The following ZC3H3 variants were observed in gnomAD, a reference collection of about 807,000 sequenced individuals.
The protein encoded by ZC3H3 is zinc finger CCCH domain-containing protein 3.
A neutral mutation model predicts 77.3 loss-of-function variants in ZC3H3; 36 were observed. That is an observed-to-expected ratio of 0.47 (90% CI 0.36 to 0.61). ZC3H3 has a LOEUF of 0.61. Ranked by LOEUF, ZC3H3 falls within the 20% of genes least tolerant of loss-of-function variation. ZC3H3 has a pLI of 0.00. For synonymous variants in ZC3H3, 626 were observed against 555.2 expected, an observed-to-expected ratio of 1.13 and a Z score of -1.79; for missense variants, 1,331 against 1,312.2, an observed-to-expected ratio of 1.01 and a Z score of -0.22.
At chr8:143,537,682 C>T (rs1434662594) in intron 2 of ZC3H3, among the ~76,000 whole-genome samples, 1 of 152,234 alleles carries the variant, frequency 6.6e-6, no homozygotes, top group East Asian at 1.9e-4. Context: ...CCTGGCCTGG[C>T]ACAAAGCCTT....
intron 4 of ZC3H3, among the ~76,000 whole-genome samples, chr8:143,477,833 A>AC (rs71316895): frequency 8.9e-4 from 135 of 151,800 alleles, no homozygotes; most frequent in South Asian, 1.0e-3. Flanking sequence ...GCCAGGGTGC[A>AC]CCCCCCCACC....
chr8:143,506,723 G>T (rs974998575), intron 4 of ZC3H3, among the ~76,000 whole-genome samples: 1 of 152,198 alleles, frequency 6.6e-6, no homozygotes, highest in Non-Finnish European at 1.5e-5. Context: ...CTGGTGATAC[G>T]GGAGGCAGCA....
chr8:143,460,729 C>T lies in ZC3H3; in HGVS notation c.2307+4988G>A, dbSNP rs977144465. On this transcript the variant is annotated intron_variant, in intron 9 of 11. Coordinates refer to ENST00000262577, the MANE Select transcript of ZC3H3 (RefSeq NM_015117.3). This position sits in a 1 kb window ranked among gnomAD's most constrained non-coding sequence, Gnocchi z 4.0. Reference sequence around the variant, plus strand: ...TCTACCATAAGAAAGGAATGAGGTGCTGCTACACGTGTGAACCCTGGAAAC... The same window carrying T: ...TCTACCATAAGAAAGGAATGAGGTGTTGCTACACGTGTGAACCCTGGAAAC... Among the ~76,000 whole-genome samples the T allele has an allele frequency of 6.6e-6, 1 of 152,202 alleles. No homozygotes were observed. Among genetic ancestry groups the T allele is most frequent in the Non-Finnish European group, 1.5e-5 (1 of 68,030 alleles).
chr8:143,537,331 C>T (rs562271146), intron 2 of ZC3H3, among the ~76,000 whole-genome samples: 1 of 152,336 alleles, frequency 6.6e-6, no homozygotes, highest in African/African-American at 2.4e-5. Flanking sequence ...CCAACTGCAG[C>T]CTCAACACTC....
chr8:143,478,515 T>C (rs959971787), intron 4 of ZC3H3, among the ~76,000 whole-genome samples: 1 of 152,200 alleles, frequency 6.6e-6, no homozygotes, highest in Non-Finnish European at 1.5e-5. Flanking sequence ...CTTCTTATTT[T>C]TTTGTTTTTT....
chr8:143,468,251 C>A lies in ZC3H3; in HGVS notation c.2133G>T (p.Thr711=), dbSNP rs78291677. ...GGTGGGAGAAGGGGCAGGTCCCATC[C>A]GTTTTCTTGCAGGTGCCCCGGACAA... is the stretch of plus-strand genomic sequence containing the variant. ...TRFVRGTCKK[T]DGTCPFSHHV... The change falls in exon 8 of 12, where the codon ACG becomes ACT. Residue 711 remains threonine (T), a synonymous_variant. Coordinates refer to ENST00000262577, the MANE Select transcript of ZC3H3 (RefSeq NM_015117.3). 1.2e-6 allele frequency: 2 copies of A among 1,613,048 alleles called. No individual in the cohort carries two copies. Among genetic ancestry groups the A allele is most frequent in the Non-Finnish European group, 1.7e-6 (2 of 1,179,958 alleles).
At chr8:143,520,665 CA>C (rs1307669832) in intron 3 of ZC3H3, among the ~76,000 whole-genome samples, 1 of 152,234 alleles carries the variant, frequency 6.6e-6, no homozygotes, top group Non-Finnish European at 1.5e-5. Context: ...CCATTTGCCA[CA>C]AGGTTCTAGG....
At chr8:143,497,244 C>T (rs1458340974) in intron 4 of ZC3H3, among the ~76,000 whole-genome samples, 1 of 152,174 alleles carries the variant, frequency 6.6e-6, no homozygotes, top group Non-Finnish European at 1.5e-5. Context: ...ATTCTCCTCC[C>T]TCCCAGGGGT....
At chr8:143,491,968 T>G (rs1821217191) in intron 4 of ZC3H3, among the ~76,000 whole-genome samples, 1 of 152,150 alleles carries the variant, frequency 6.6e-6, no homozygotes, top group Admixed American at 6.5e-5. Context: ...GCATGTTGCC[T>G]CCACCTGGTG....
At chr8:143,508,264 T>C (rs1303536351) in intron 3 of ZC3H3, among the ~76,000 whole-genome samples, 1 of 152,056 alleles carries the variant, frequency 6.6e-6, no homozygotes, top group Admixed American at 6.5e-5. Flanking sequence ...GGACTCGAGG[T>C]GGCTGACTGA....
chr8:143,468,410 C>G lies in ZC3H3; in HGVS notation c.2077G>C (p.Asp693His). 6.2e-7 allele frequency: 1 copy of G among 1,612,516 alleles called. No individual in the cohort carries two copies. The highest frequency in any genetic ancestry group is 8.5e-7 in the Non-Finnish European group (1 of 1,179,742). ...GTGCACACGGCCACCTTCTCGGGATCGTGGATGTAGGGGCAGCGCTCGCCA... is the reference window on the plus strand; with the variant it reads ...GTGCACACGGCCACCTTCTCGGGATGGTGGATGTAGGGGCAGCGCTCGCCA... ...NRGERCPYIH[D>H]PEKVAVCTRF... Residue 693 changes from aspartate (D) to histidine (H), a missense_variant, in exon 7 of 12, where the codon GAT becomes CAT. Physicochemically the swap from Asp to His is moderately conservative, Grantham distance 81 (BLOSUM62 -1). Transcript: ENST00000262577.
At chr8:143,498,731 G>A (rs995049852) in intron 4 of ZC3H3, among the ~76,000 whole-genome samples, 1 of 137,632 alleles carries the variant, frequency 7.3e-6, no homozygotes, top group Non-Finnish European at 1.6e-5. Context: ...GGGCGGAGGG[G>A]CACAGGGCGG....
At chr8:143,534,947 T>C (rs1431425472) in intron 3 of ZC3H3, among the ~76,000 whole-genome samples, 3 of 151,476 alleles carry the variant, frequency 2.0e-5, no homozygotes, top group Non-Finnish European at 4.4e-5. Context: ...CCCAACGCCC[T>C]GCCCTCCCGC....
chr8:143,531,925 C>T (rs955835977), intron 3 of ZC3H3, among the ~76,000 whole-genome samples: 41 of 152,210 alleles, frequency 2.7e-4, no homozygotes, highest in African/African-American at 7.2e-4. Context: ...AGAAATGGCC[C>T]GGCTCTTAGC....
At chr8:143,518,086 C>T (rs1053926767) in intron 3 of ZC3H3, among the ~76,000 whole-genome samples, 2 of 152,298 alleles carry the variant, frequency 1.3e-5, no homozygotes, top group East Asian at 1.9e-4. Flanking sequence ...TCTGCATGAG[C>T]GCCATGGCCC....
chr8:143,503,496 C>T lies in ZC3H3; in HGVS notation c.1715+4250G>A, dbSNP rs566142821. 5.2e-4 allele frequency among the ~76,000 whole-genome samples: 75 copies of T among 144,864 alleles called. No individual in the cohort carries two copies. The East Asian group carries it at 0.012, about 23-fold the overall frequency. ...CACTGGTCAGCACCCAGCCATCTCC[C>T]GACCACCTCCCCCAGCACCCAGCCA... is the stretch of plus-strand genomic sequence containing the variant. On this transcript the variant is annotated intron_variant, in intron 4 of 11. Transcript: ENST00000262577.
intron 3 of ZC3H3, among the ~76,000 whole-genome samples, chr8:143,529,075 C>T (rs1264756108): frequency 1.3e-5 from 2 of 152,224 alleles, no homozygotes; most frequent in African/African-American, 4.8e-5. Flanking sequence ...CACAGACTCC[C>T]GAATGAGGGG....
intron 3 of ZC3H3, among the ~76,000 whole-genome samples, chr8:143,525,579 C>A (rs1268616172): frequency 6.6e-6 from 1 of 152,200 alleles, no homozygotes; most frequent in African/African-American, 2.4e-5. Context: ...CCTTGCATGT[C>A]GCCCTGCTCC....
intron 9 of ZC3H3, among the ~76,000 whole-genome samples, chr8:143,459,487 T>C (rs1257540328): frequency 6.6e-6 from 1 of 152,062 alleles, no homozygotes; most frequent in African/African-American, 2.4e-5. Flanking sequence ...AGGCGGAGTT[T>C]ACAGTGAGCT....
Sources: allele counts gnomAD v4.1 joint callset (sites outside exome capture counted in the v4.1 genomes callset), GRCh38; gene constraint gnomAD v4.1.1; non-coding constraint Gnocchi (gnomAD v3.1); transcripts MANE v1.5; gene names NCBI Gene and HGNC (gene_info 2026-07-23, HGNC 2026-07-21).